C6: variants seen among roughly 807,000 people sequenced by gnomAD.
The protein encoded by C6 is complement component C6.
C6 carries 101 observed loss-of-function variants against 112.9 expected under a neutral mutation model. The ratio of observed to expected loss-of-function variants is 0.89; its 90% CI spans 0.76 to 1.06. The LOEUF is 1.06. Ranked by LOEUF, C6 falls within the 50% of genes least tolerant of loss-of-function variation. The pLI is 0.00. For synonymous variants in C6, 431 were observed against 384.1 expected, an observed-to-expected ratio of 1.12 and a Z score of -1.43; for missense variants, 1,202 against 1,104.6, an observed-to-expected ratio of 1.09 and a Z score of -1.25.
chr5:41,175,997 A>G (rs1258837840), intron 8 of C6, among the ~76,000 whole-genome samples: 1 of 152,152 alleles, frequency 6.6e-6, no homozygotes, highest in Non-Finnish European at 1.5e-5. Flanking sequence ...CTTTCATCAT[A>G]TGTTTCATCT....
At chr5:41,162,812 G>C (rs1023122726) in intron 9 of C6, among the ~76,000 whole-genome samples, 9 of 152,118 alleles carry the variant, frequency 5.9e-5, no homozygotes, top group Non-Finnish European at 1.2e-4. Context: ...AGAGTCAAGT[G>C]CATAACACAA....
At position 41,236,440 on chromosome 5, in the gene C6, C is replaced by T. The variant is rs368983527; in HGVS notation, c.-21+24754G>A. On this transcript the variant is annotated intron_variant, in intron 1 of 17. Coordinates refer to the C6 transcript ENST00000263413. ...AAGAATCTCACTCAAAGCCGCTCAA[C>T]TACATGGAAACTGAACAACCTGCTC... Among the ~76,000 whole-genome samples the T allele has an allele frequency of 5.3e-5, 8 of 150,952 alleles. No homozygotes were observed. In the East Asian group the frequency reaches 1.6e-3, roughly 30 times the overall value.
intron 1 of C6, among the ~76,000 whole-genome samples, chr5:41,232,655 T>TA (rs1201021291): frequency 5.9e-5 from 9 of 151,948 alleles, no homozygotes; most frequent in Non-Finnish European, 8.8e-5. Flanking sequence ...TACAGAAAAG[T>TA]AAAAAAAATT....
chr5:41,156,021 G>A (rs1746869056), intron 13 of C6, among the ~76,000 whole-genome samples: 1 of 151,792 alleles, frequency 6.6e-6, no homozygotes, highest in Non-Finnish European at 1.5e-5. Context: ...CCTTCATGTT[G>A]CTGGGGGGTG....
At chr5:41,177,579 G>A (rs972405909) in intron 7 of C6, among the ~76,000 whole-genome samples, 1 of 152,054 alleles carries the variant, frequency 6.6e-6, no homozygotes, top group African/African-American at 2.4e-5. Context: ...CCATGTTTTA[G>A]CAAAATAACT....
chr5:41,158,724 C>T lies in C6; in HGVS notation c.1918G>A (p.Ala640Thr). 2 of 1,611,894 alleles carry T rather than the reference C, an allele frequency of 1.2e-6. No individual in the cohort carries two copies. Among genetic ancestry groups the T allele is most frequent in the Non-Finnish European group, 1.7e-6 (2 of 1,178,156 alleles). The change falls in exon 13 of 18, where the codon GCA becomes ACA. Residue 640 changes from alanine to threonine, a missense_variant. By Grantham distance (58) the Ala-to-Thr change is moderately conservative. Coordinates refer to ENST00000337836, the MANE Select transcript of C6 (RefSeq NM_000065.5). ...ACTGGCTGAGGACACCCGGAATCTG[C>T]TTCTATCTCAGGAAGATCGACCTCT... is the stretch of plus-strand genomic sequence containing the variant. ...MKEVDLPEIE[A>T]DSGCPQPVPP...
At chr5:41,247,796 C>CA (rs1373967211) in intron 1 of C6, among the ~76,000 whole-genome samples, 1 of 148,356 alleles carries the variant, frequency 6.7e-6, no homozygotes. Context: ...CAAGTGAAAA[C>CA]AAAATACTGC....
At position 41,159,106 on chromosome 5, in the gene C6, C is replaced by T. The variant is rs771814711; in HGVS notation, c.1832G>A (p.Cys611Tyr). ...CEGEKRQEEDCTFSIMENNGQ... is the reference protein window; with the variant it reads ...CEGEKRQEEDYTFSIMENNGQ... ...CTTGTTTTCCATGATTGAAAATGTG[C>T]AGTCTTCCTCTTGTCGCTTCTCCCC... Residue 611 changes from cysteine (C) to tyrosine (Y), a missense_variant, in exon 12 of 18, where the codon TGC becomes TAC. Cys to Tyr is a radical substitution (Grantham distance 194, BLOSUM62 -2). Coordinates refer to ENST00000337836, the MANE Select transcript of C6 (RefSeq NM_000065.5). The T allele has an allele frequency of 7.4e-6, 12 of 1,613,574 alleles. No homozygotes were observed. The South Asian group carries it at 1.2e-4, about 16-fold the overall frequency.
At chr5:41,210,446 G>C (rs568979783) in intron 1 of C6, among the ~76,000 whole-genome samples, 64 of 152,264 alleles carry the variant, frequency 4.2e-4, no homozygotes, top group Non-Finnish European at 7.4e-4. Flanking sequence ...CAGAATGGGA[G>C]AAAATTTTTG....
At chr5:41,201,199 C>T (rs1751006752) in intron 3 of C6, among the ~76,000 whole-genome samples, 1 of 152,112 alleles carries the variant, frequency 6.6e-6, no homozygotes, top group Non-Finnish European at 1.5e-5. Flanking sequence ...ATCCACAAAA[C>T]ATCCAAAATC....
At chr5:41,144,891 C>A (rs981415414) in intron 17 of C6, among the ~76,000 whole-genome samples, 3 of 152,166 alleles carry the variant, frequency 2.0e-5, no homozygotes, top group Non-Finnish European at 4.4e-5. Flanking sequence ...CAGCTCCATC[C>A]ATGTTGCTGC....
At chr5:41,205,533 A>T (rs1751368312) in intron 1 of C6, among the ~76,000 whole-genome samples, 1 of 152,200 alleles carries the variant, frequency 6.6e-6, no homozygotes, top group South Asian at 2.1e-4. Context: ...AATGAGGCAC[A>T]TTTCCAATGG....
intron 9 of C6, among the ~76,000 whole-genome samples, chr5:41,171,738 CAA>C (rs1403983319): frequency 6.6e-6 from 1 of 152,098 alleles, no homozygotes; most frequent in Non-Finnish European, 1.5e-5. Context: ...TTCCATTTGC[CAA>C]AGTCTTCAGC....
chr5:41,258,025 A>C (rs1024083918), intron 1 of C6, among the ~76,000 whole-genome samples: 5 of 152,112 alleles, frequency 3.3e-5, no homozygotes, highest in Admixed American at 6.6e-5. Flanking sequence ...CCAATCATAA[A>C]ACTTTACTTT....
intron 1 of C6, among the ~76,000 whole-genome samples, chr5:41,249,033 C>T (rs1293389177): frequency 1.3e-5 from 2 of 152,046 alleles, no homozygotes; most frequent in Non-Finnish European, 2.9e-5. Context: ...GGTCATTATT[C>T]TAAGAAGTTT....
chr5:41,222,701 T>A (rs1463956460), intron 1 of C6, among the ~76,000 whole-genome samples: 1 of 152,232 alleles, frequency 6.6e-6, no homozygotes, highest in African/African-American at 2.4e-5. Flanking sequence ...TAGCTTCCCC[T>A]GCTCTTACGA....
chr5:41,260,279 C>T (rs1741965166), intron 1 of C6, among the ~76,000 whole-genome samples: 1 of 152,008 alleles, frequency 6.6e-6, no homozygotes, highest in Admixed American at 6.5e-5. Flanking sequence ...CACACACACA[C>T]ACACGCCAGC....
chr5:41,199,111 A>G (rs1308093025), intron 4 of C6, among the ~76,000 whole-genome samples: 1 of 152,178 alleles, frequency 6.6e-6, no homozygotes, highest in East Asian at 1.9e-4. Flanking sequence ...AAGAGGGGAA[A>G]ACTTGGGTTC....
upstream of C6, among the ~76,000 whole-genome samples, chr5:41,215,933 T>G (rs1752182001): frequency 6.6e-6 from 1 of 152,112 alleles, no homozygotes; most frequent in Non-Finnish European, 1.5e-5. Flanking sequence ...GCAAAAGTAC[T>G]ATAATTTCTT....
Sources: gnomAD v4.1 joint callset for allele counts (sites outside exome capture counted in the v4.1 genomes callset) on GRCh38, gnomAD v4.1.1 for gene constraint, MANE v1.5 for transcripts, NCBI Gene and HGNC (gene_info 2026-07-23, HGNC 2026-07-21) for gene names.